The following DEFB116 variants were observed in gnomAD, a reference collection of about 807,000 sequenced individuals.
DEFB116 encodes the protein defensin beta 116, also known as beta-defensin 116.
DEFB116 carries 5 observed loss-of-function variants against 2.8 expected under a neutral mutation model. That is an observed-to-expected ratio of 1.80 (90% CI 0.94 to 3.79). The LOEUF (loss-of-function observed/expected upper bound fraction) is 3.79, where lower values mean the gene tolerates loss of function less well. Ranked by LOEUF, DEFB116 falls within the 30% of genes most tolerant of loss-of-function variation. The probability of loss-of-function intolerance (pLI) is 0.00; values close to 1 mark genes in which losing one functional copy is unlikely to be tolerated. For synonymous variants in DEFB116, 56 were observed against 40.8 expected, an observed-to-expected ratio of 1.37 and a Z score of -1.42; for missense variants, 170 against 118.0, an observed-to-expected ratio of 1.44 and a Z score of -2.04.
At chr20:31,308,346 C>G (rs1985042780) in intron 1 of DEFB116, among the ~76,000 whole-genome samples, 173 bp downstream of exon 1, 1 of 152,070 alleles carries the variant, frequency 6.6e-6, no homozygotes, top group Non-Finnish European at 1.5e-5. Flanking sequence ...AGAGCAGAAC[C>G]AGGGGAGATC....
At chr20:31,304,028 T>C (rs1984940422) in intron 1 of DEFB116, among the ~76,000 whole-genome samples, 1 of 152,112 alleles carries the variant, frequency 6.6e-6, no homozygotes, top group Non-Finnish European at 1.5e-5. Context: ...CAGAAACAGG[T>C]ACTGTGCATA....
intron 1 of DEFB116, 64 bp from the exon 2 acceptor site, chr20:31,303,517 T>A: frequency 6.3e-7 from 1 of 1,587,612 alleles, no homozygotes; most frequent in South Asian, 1.2e-5. Flanking sequence ...TGAAGCATGA[T>A]TTAAAGGAAC....
chr20:31,307,192 A>G (rs1270278008), intron 1 of DEFB116, among the ~76,000 whole-genome samples: 2 of 152,116 alleles, frequency 1.3e-5, no homozygotes, highest in Non-Finnish European at 2.9e-5. Context: ...TTTTTGGTAC[A>G]TCAAATCTTA....
intron 1 of DEFB116, among the ~76,000 whole-genome samples, chr20:31,306,503 T>C (rs1186337674): frequency 6.6e-6 from 1 of 152,136 alleles, no homozygotes; most frequent in Admixed American, 6.6e-5. Flanking sequence ...GCTGTCTTCA[T>C]TTTTGTTGTT....
intron 1 of DEFB116, among the ~76,000 whole-genome samples, chr20:31,304,542 A>G (rs911368565): frequency 5.9e-5 from 9 of 152,106 alleles, no homozygotes; most frequent in African/African-American, 2.2e-4. Flanking sequence ...TGATCAAGCC[A>G]GTATTCAATT....
intron 1 of DEFB116, among the ~76,000 whole-genome samples, chr20:31,307,030 TACAATTGGC>T (rs1454665053): frequency 6.6e-6 from 1 of 152,150 alleles, no homozygotes; most frequent in Non-Finnish European, 1.5e-5. Flanking sequence ...TTTGTTGAAG[TACAATTGGC>T]ACACAAAAAG....
At chr20:31,304,595 G>T (rs1307526647) in intron 1 of DEFB116, among the ~76,000 whole-genome samples, 4 of 151,958 alleles carry the variant, frequency 2.6e-5, no homozygotes, top group Admixed American at 6.6e-5. Flanking sequence ...TTCTCTCTGT[G>T]TCACATTGCC....
At chr20:31,306,806 C>A (rs371513712) in intron 1 of DEFB116, among the ~76,000 whole-genome samples, 3 of 152,052 alleles carry the variant, frequency 2.0e-5, no homozygotes, top group East Asian at 3.9e-4. Flanking sequence ...GCTGAGACTG[C>A]TCCCATATCT....
chr20:31,305,147 G>T (rs1351497110), intron 1 of DEFB116, among the ~76,000 whole-genome samples: 1 of 151,988 alleles, frequency 6.6e-6, no homozygotes, highest in African/African-American at 2.4e-5. Flanking sequence ...CCAGCACAAT[G>T]ATATCACTGT....
rs962349676 is a variant in DEFB116 at position 31,308,524 on chromosome 20, G to C, written c.62C>G (p.Thr21Ser). The C allele has an allele frequency of 4.3e-6, 7 of 1,613,412 alleles. No homozygotes were observed. The East Asian group carries it at 8.9e-5, about 21-fold the overall frequency. ...TTGAGAGAGGCCTGAGTTACCTGGA[G>C]TCTTTTGAGCCAGGATCATAAGGAT... The part of the protein sequence containing the change: ...IAILMILAQK[T>S]PGGLFRSHNG... The change falls in exon 1 of 2, where the codon ACT becomes AGT. Residue 21 changes from threonine (T) to serine (S), a missense_variant. Transcript: ENST00000400549.
At chr20:31,306,466 C>T (rs1984992114) in intron 1 of DEFB116, among the ~76,000 whole-genome samples, 1 of 152,134 alleles carries the variant, frequency 6.6e-6, no homozygotes, top group Non-Finnish European at 1.5e-5. Context: ...GGAAGCTACA[C>T]TATGTACAAC....
intron 1 of DEFB116, among the ~76,000 whole-genome samples, chr20:31,306,707 A>G (rs1984997542): frequency 6.6e-6 from 1 of 152,144 alleles, no homozygotes; most frequent in Non-Finnish European, 1.5e-5. Context: ...ACAGAGAAGA[A>G]AGAGGAAGAG....
intron 1 of DEFB116, among the ~76,000 whole-genome samples, chr20:31,304,615 T>C (rs1456418870): frequency 6.6e-6 from 1 of 152,056 alleles, no homozygotes; most frequent in African/African-American, 2.4e-5. Context: ...CTCTCTGTGA[T>C]AGGCACAGAG....
chr20:31,304,738 C>A (rs1020678204), intron 1 of DEFB116, among the ~76,000 whole-genome samples: 12 of 152,178 alleles, frequency 7.9e-5, no homozygotes, highest in African/African-American at 2.9e-4. Context: ...TCCCCCCACT[C>A]CCTCATTCCA....
chr20:31,305,256 TC>T (rs1357804423), intron 1 of DEFB116, among the ~76,000 whole-genome samples: 1 of 151,996 alleles, frequency 6.6e-6, no homozygotes, highest in Non-Finnish European at 1.5e-5. Flanking sequence ...GCAAAGGGCC[TC>T]CCCCAAGTGA....
At chr20:31,304,410 G>A (rs1190222613) in intron 1 of DEFB116, among the ~76,000 whole-genome samples, 1 of 152,032 alleles carries the variant, frequency 6.6e-6, no homozygotes, top group Admixed American at 6.6e-5. Context: ...CTATGTACAG[G>A]CATTTTACAA....
chr20:31,305,651 G>A (rs1381375512), intron 1 of DEFB116, among the ~76,000 whole-genome samples: 2 of 151,770 alleles, frequency 1.3e-5, no homozygotes, highest in East Asian at 1.9e-4. Flanking sequence ...ACCAGCTTTT[G>A]CATTTCAGCA....
chr20:31,304,840 T>C (rs527764351), intron 1 of DEFB116, among the ~76,000 whole-genome samples: 2 of 152,058 alleles, frequency 1.3e-5, no homozygotes, highest in African/African-American at 4.8e-5. Flanking sequence ...CTATTAACAT[T>C]AACGAAAATG....
At chr20:31,306,126 C>T (rs116277165) in intron 1 of DEFB116, among the ~76,000 whole-genome samples, 1 of 152,132 alleles carries the variant, frequency 6.6e-6, no homozygotes, top group Admixed American at 6.6e-5. Flanking sequence ...TATATTATTT[C>T]TCTGCCTGCT....
Sources: gnomAD v4.1 joint callset for allele counts (sites outside exome capture counted in the v4.1 genomes callset) on GRCh38, gnomAD v4.1.1 for gene constraint, MANE v1.5 for transcripts, NCBI Gene and HGNC (gene_info 2026-07-23, HGNC 2026-07-21) for gene names.